The following EFCAB6 variants were observed in gnomAD, a reference collection of about 807,000 sequenced individuals.
EFCAB6 encodes EF-hand calcium binding domain 6, also known as EF-hand calcium-binding domain-containing protein 6.
Under a neutral mutation model 169.8 loss-of-function variants are expected in EFCAB6, and 156 were observed. The ratio of observed to expected loss-of-function variants is 0.92; its 90% CI spans 0.81 to 1.05. The LOEUF is 1.05. EFCAB6 is among the 50% of genes least tolerant of loss of function. The probability of loss-of-function intolerance (pLI) is 0.00; values close to 1 mark genes in which losing one functional copy is unlikely to be tolerated. For synonymous variants in EFCAB6, 698 were observed against 676.4 expected, an observed-to-expected ratio of 1.03 and a Z score of -0.50; for missense variants, 1,800 against 1,829.1, an observed-to-expected ratio of 0.98 and a Z score of 0.29.
At position 43,795,262 on chromosome 22, in the gene EFCAB6, C is replaced by T. The variant is rs1270307238; in HGVS notation, c.-7-12937G>A. Among the ~76,000 whole-genome samples, 1 of 152,170 alleles carries T rather than the reference C, an allele frequency of 6.6e-6. No homozygotes were observed. The highest frequency in any genetic ancestry group is 1.5e-5 in the Non-Finnish European group (1 of 68,018). The stretch of plus-strand genomic sequence containing the variant: ...TGTCAAGAGAACAAGTACAGTGGGG[C>T]ATACACTATGAATACAACGATATAA... On this transcript the variant is annotated intron_variant, in intron 2 of 31. Coordinates refer to ENST00000262726, the MANE Select transcript of EFCAB6 (RefSeq NM_022785.4). This position sits in a 1 kb window ranked among gnomAD's most constrained non-coding sequence, Gnocchi z 4.2.
chr22:43,540,621 C>A, intron 27 of EFCAB6: 1 of 1,298,210 alleles, frequency 7.7e-7, no homozygotes, highest in Non-Finnish European at 1.0e-6. Flanking sequence ...TCAGTGAGCA[C>A]TTTAAGGCCA....
At chr22:43,595,090 T>A (rs982183726) in intron 23 of EFCAB6, among the ~76,000 whole-genome samples, 1 of 151,158 alleles carries the variant, frequency 6.6e-6, no homozygotes, top group Admixed American at 6.6e-5. Context: ...AAAATGGAAA[T>A]ACAACATACC....
At chr22:43,576,113 A>G (rs2050239608) in intron 26 of EFCAB6, among the ~76,000 whole-genome samples, 184 bp downstream of exon 26, 1 of 152,216 alleles carries the variant, frequency 6.6e-6, no homozygotes, top group African/African-American at 2.4e-5. Flanking sequence ...CCAACAAAGT[A>G]AAGGATGCAT....
chr22:43,787,380 ACAC>A (rs1315307927), intron 2 of EFCAB6, among the ~76,000 whole-genome samples: 18 of 150,508 alleles, frequency 1.2e-4, no homozygotes, highest in African/African-American at 4.1e-4. Flanking sequence ...ACACACACAC[ACAC>A]AATTAGAACT....
chr22:43,615,367 C>A (rs899498962), intron 21 of EFCAB6, among the ~76,000 whole-genome samples: 2 of 152,142 alleles, frequency 1.3e-5, no homozygotes, highest in African/African-American at 4.8e-5. Context: ...AGGGTATCCA[C>A]CCTGTAAATG....
At chr22:43,691,357 A>C (rs1008493270) in intron 10 of EFCAB6, among the ~76,000 whole-genome samples, 1 of 152,180 alleles carries the variant, frequency 6.6e-6, no homozygotes, top group African/African-American at 2.4e-5. Context: ...TGAAAAATAA[A>C]ATCAGCTTCT....
At chr22:43,693,792 G>C (rs1278160382) in intron 10 of EFCAB6, among the ~76,000 whole-genome samples, 1 of 151,728 alleles carries the variant, frequency 6.6e-6, no homozygotes, top group African/African-American at 2.4e-5. Context: ...ATTATAAATA[G>C]CATTATGCCA....
Position 43,772,940 on chromosome 22 carries a change from G to A in EFCAB6, c.303C>T (p.Asp101=). Residue 101 remains aspartate, a synonymous_variant, in exon 4 of 32, where the codon GAC becomes GAT. Coordinates refer to ENST00000262726, the MANE Select transcript of EFCAB6 (RefSeq NM_022785.4). ...GTTCTCGTGTGAGCGGCATCAGGAA[G>A]TCTGTGATGATTCTTCTCAGTTCAC... ...SKSELRRIIT[D]FLMPLTREQF... is the part of the protein sequence containing the mutation. The A allele has an allele frequency of 2.5e-6, 4 of 1,614,194 alleles. No homozygotes were observed. The highest frequency in any genetic ancestry group is 3.4e-6 in the Non-Finnish European group (4 of 1,180,032).
intron 4 of EFCAB6, among the ~76,000 whole-genome samples, 168 bp from the exon 5 acceptor site, chr22:43,765,561 G>A (rs1005017067): frequency 6.6e-6 from 1 of 152,012 alleles, no homozygotes; most frequent in Non-Finnish European, 1.5e-5. Context: ...CAGGTGTCAC[G>A]GTGAACATGC....
intron 2 of EFCAB6, among the ~76,000 whole-genome samples, chr22:43,789,762 G>C (rs542705937): frequency 9.9e-5 from 15 of 151,900 alleles, no homozygotes; most frequent in African/African-American, 3.4e-4. Flanking sequence ...TACTCTCAAC[G>C]TAAGAGTGAA....
At position 43,580,665 on chromosome 22, in the gene EFCAB6, C is replaced by A. The variant is rs1189809275; in HGVS notation, c.3033-6G>T. ...CATGCCGGCTGACTCCCCAACTTGTCCCAAAAGGAAGAAAAGAACATATTC... is the reference window on the plus strand; with the variant it reads ...CATGCCGGCTGACTCCCCAACTTGTACCAAAAGGAAGAAAAGAACATATTC... On this transcript the variant is annotated splice_polypyrimidine_tract_variant and splice_region_variant and intron_variant, in intron 24 of 31. Coordinates refer to ENST00000262726, the MANE Select transcript of EFCAB6 (RefSeq NM_022785.4). 6.2e-7 allele frequency: 1 copy of A among 1,613,024 alleles called. No individual in the cohort carries two copies. The highest frequency in any genetic ancestry group is 8.5e-7 in the Non-Finnish European group (1 of 1,179,698).
intron 17 of EFCAB6, among the ~76,000 whole-genome samples, chr22:43,639,607 C>A (rs998478989): frequency 1.3e-5 from 2 of 152,260 alleles, no homozygotes; most frequent in African/African-American, 4.8e-5. Context: ...TGCTTTTCAG[C>A]AGTTTGTCTG....
chr22:43,667,038 T>A (rs2057293639), intron 17 of EFCAB6, 66 bp downstream of exon 17: 6 of 1,537,144 alleles, frequency 3.9e-6, no homozygotes, highest in Non-Finnish European at 5.3e-6. Flanking sequence ...TCCTTTAAAG[T>A]ATGTTAGTAT....
At chr22:43,768,481 C>T (rs919198349) in intron 4 of EFCAB6, among the ~76,000 whole-genome samples, 1 of 152,182 alleles carries the variant, frequency 6.6e-6, no homozygotes, top group Non-Finnish European at 1.5e-5. Flanking sequence ...ATCATAGAAC[C>T]ATCTAGAAAA....
At chr22:43,786,837 C>T (rs1026576078) in intron 2 of EFCAB6, among the ~76,000 whole-genome samples, 43 of 151,990 alleles carry the variant, frequency 2.8e-4, no homozygotes, top group African/African-American at 1.0e-3. Context: ...AATGCAGCAA[C>T]ATATTTTTAA....
rs752209047 is a variant in EFCAB6, at chr22:43,687,451, T to TA, written c.1142+19_1142+20insT. On this transcript the variant is annotated intron_variant, in intron 11 of 31. Coordinates refer to ENST00000262726, the MANE Select transcript of EFCAB6 (RefSeq NM_022785.4). ...TGATATGTGTAACTAAAATTTGTTTTTTTTTTTTTTTTTACATACCTATTT... is the reference window on the plus strand; with the variant it reads ...TGATATGTGTAACTAAAATTTGTTTTATTTTTTTTTTTTTACATACCTATTT... 7.4e-7 allele frequency: 1 copy of TA among 1,348,494 alleles called. No individual in the cohort carries two copies. Among genetic ancestry groups the TA allele is most frequent in the Non-Finnish European group, 1.0e-6 (1 of 990,094 alleles). The allele number at this position is 1,348,494 out of a possible 1,614,324, so 83.5% of individuals were successfully genotyped here. A position where few individuals can be genotyped will look rare whatever the true frequency, so the allele number is the denominator to read the frequency against.
At chr22:43,610,057 A>C (rs574435883) in intron 21 of EFCAB6, among the ~76,000 whole-genome samples, 1 of 152,348 alleles carries the variant, frequency 6.6e-6, no homozygotes, top group Non-Finnish European at 1.5e-5. Flanking sequence ...TCAAGACCTG[A>C]ATGTGAAAGT....
chr22:43,634,040 C>T (rs1486946621), intron 18 of EFCAB6, among the ~76,000 whole-genome samples: 3 of 152,100 alleles, frequency 2.0e-5, no homozygotes, highest in African/African-American at 4.8e-5. Context: ...GAGGAGAACA[C>T]AGGCAGCCAG....
chr22:43,534,414 G>A (rs1290339954), intron 30 of EFCAB6, among the ~76,000 whole-genome samples: 3 of 152,088 alleles, frequency 2.0e-5, no homozygotes, highest in Non-Finnish European at 4.4e-5. Flanking sequence ...CCAGTCTCAG[G>A]TAGTATCTTT....
Sources: gnomAD v4.1 joint callset for allele counts (sites outside exome capture counted in the v4.1 genomes callset) on GRCh38, gnomAD v4.1.1 for gene constraint, Gnocchi (gnomAD v3.1) non-coding constraint, MANE v1.5 for transcripts, NCBI Gene and HGNC (gene_info 2026-07-23, HGNC 2026-07-21) for gene names.